The following KLHL32 variants were observed in gnomAD, a reference collection of about 807,000 sequenced individuals.
KLHL32 encodes the protein kelch-like protein 32.
A neutral mutation model predicts 64.8 loss-of-function variants in KLHL32; 35 were observed. That is an observed-to-expected ratio of 0.54 (90% CI 0.41 to 0.72). KLHL32 has a LOEUF of 0.72. KLHL32 is among the 30% of genes least tolerant of loss of function. The pLI, the probability that KLHL32 is intolerant of heterozygous loss-of-function variation, is 0.00. For synonymous variants in KLHL32, 259 were observed against 281.0 expected, an observed-to-expected ratio of 0.92 and a Z score of 0.78; for missense variants, 589 against 768.5, an observed-to-expected ratio of 0.77 and a Z score of 2.76.
chr6:97,135,303 T>TA (rs2128224122), intron 10 of KLHL32, among the ~76,000 whole-genome samples: 1 of 96,084 alleles, frequency 1.0e-5, no homozygotes, highest in African/African-American at 4.5e-5. Flanking sequence ...TTGTTAATTT[T>TA]TTTTTTTTTT....
At chr6:96,955,174 A>G (rs535465260) in intron 1 of KLHL32, among the ~76,000 whole-genome samples, 3 of 152,344 alleles carry the variant, frequency 2.0e-5, no homozygotes, top group African/African-American at 4.8e-5. Flanking sequence ...CACATTGGAT[A>G]TAAGAGTTTG....
At chr6:97,115,619 G>A (rs1797729594) in intron 7 of KLHL32, among the ~76,000 whole-genome samples, 1 of 152,152 alleles carries the variant, frequency 6.6e-6, no homozygotes, top group African/African-American at 2.4e-5. Flanking sequence ...AGGAGTCTGT[G>A]AGGCATATGC....
intron 6 of KLHL32, among the ~76,000 whole-genome samples, chr6:97,102,988 C>T (rs149765886): frequency 1.3e-5 from 2 of 151,734 alleles, no homozygotes; most frequent in Middle Eastern, 3.2e-3. Flanking sequence ...TCCCTCCTCC[C>T]CCACCCTCCA....
intron 1 of KLHL32, among the ~76,000 whole-genome samples, chr6:96,959,854 C>G (rs1479243059): frequency 6.6e-6 from 1 of 152,138 alleles, no homozygotes; most frequent in African/African-American, 2.4e-5. Context: ...AGAGGTATTA[C>G]CTTACATAGT....
In KLHL32 at chr6:97,107,198, C is replaced by T. The variant is rs544310627; in HGVS notation, c.628-6585C>T. Among the ~76,000 whole-genome samples the T allele has an allele frequency of 4.0e-4, 60 of 151,800 alleles. 1 individual carries two copies. In the South Asian group the frequency reaches 0.011, roughly 28 times the overall value. On this transcript the variant is annotated intron_variant, in intron 6 of 10. Transcript: ENST00000369261. ...GTCCCAGCTACTCGGGAGGCTGAGG[C>T]AGGAGAATGGCGTGAATCCAGGAGG...
chr6:96,957,880 G>A (rs763163865), intron 1 of KLHL32, among the ~76,000 whole-genome samples: 10 of 152,130 alleles, frequency 6.6e-5, no homozygotes, highest in East Asian at 1.9e-4. Context: ...AATGAATTTC[G>A]TAATACAAAC....
intron 10 of KLHL32, among the ~76,000 whole-genome samples, chr6:97,135,590 A>C (rs932327084): frequency 3.3e-5 from 5 of 152,112 alleles, no homozygotes; most frequent in Admixed American, 3.3e-4. Flanking sequence ...GAGCCACTGC[A>C]TCTGGACGAT....
intron 3 of KLHL32, among the ~76,000 whole-genome samples, chr6:96,980,015 T>A (rs1776128429): frequency 6.6e-6 from 1 of 152,134 alleles, no homozygotes; most frequent in Non-Finnish European, 1.5e-5. Flanking sequence ...TGATTTTGTA[T>A]CCTGAAACTT....
At chr6:96,946,540 A>G (rs1415009064) in intron 1 of KLHL32, among the ~76,000 whole-genome samples, 1 of 152,148 alleles carries the variant, frequency 6.6e-6, no homozygotes, top group African/African-American at 2.4e-5. Context: ...CTGTCACTTC[A>G]CTGCTATGAG....
At chr6:96,985,231 C>T (rs1483297382) in intron 3 of KLHL32, among the ~76,000 whole-genome samples, 1 of 152,128 alleles carries the variant, frequency 6.6e-6, no homozygotes, top group Non-Finnish European at 1.5e-5. Flanking sequence ...GAGTTTCTGC[C>T]AAGAGATCAG....
chr6:97,085,183 ACTT>A lies in KLHL32; in HGVS notation c.470_472del (p.Thr157_Leu158delinsMet), dbSNP rs1281827336. On this transcript the variant is annotated inframe_deletion, in exon 6 of 11. Transcript: ENST00000369261. ...CAGACTTGCTGACCTCTTTAACCTC[ACTT>A]TGTTGGAGAAGGCAGTGATCGATTT... 6.2e-7 allele frequency: 1 copy of A among 1,613,742 alleles called. No homozygotes were observed. The highest frequency in any genetic ancestry group is 8.5e-7 in the Non-Finnish European group (1 of 1,179,996).
intron 5 of KLHL32, among the ~76,000 whole-genome samples, chr6:97,069,099 G>A (rs751104739): frequency 1.3e-5 from 2 of 152,126 alleles, no homozygotes; most frequent in African/African-American, 2.4e-5. Context: ...CAGATTGAAG[G>A]CATTGTTCTG....
intron 8 of KLHL32, among the ~76,000 whole-genome samples, chr6:97,129,427 C>T (rs960878999): frequency 6.6e-5 from 10 of 152,034 alleles, no homozygotes; most frequent in African/African-American, 9.7e-5. Flanking sequence ...CTTATCTGTC[C>T]ATTACTTAGT....
At chr6:97,057,092 A>G (rs191842666) in intron 4 of KLHL32, among the ~76,000 whole-genome samples, 1 of 151,922 alleles carries the variant, frequency 6.6e-6, no homozygotes, top group Admixed American at 6.6e-5. Context: ...AACTATTTTT[A>G]GAAATTAATA....
At chr6:97,118,502 G>A (rs183759470) in intron 7 of KLHL32, among the ~76,000 whole-genome samples, 14 of 151,266 alleles carry the variant, frequency 9.3e-5, no homozygotes, top group East Asian at 7.8e-4. Flanking sequence ...GCCTGTAATC[G>A]CAGCTACTTG....
At chr6:97,040,005 A>T (rs1208787318) in intron 3 of KLHL32, among the ~76,000 whole-genome samples, 1 of 151,382 alleles carries the variant, frequency 6.6e-6, no homozygotes, top group Non-Finnish European at 1.5e-5. Flanking sequence ...AAATATGTAC[A>T]TTCCTTAGGC....
At position 97,114,301 on chromosome 6, in the gene KLHL32, A is replaced by C; in HGVS notation, c.1146A>C (p.Ala382=). Reference sequence around the variant, plus strand: ...GCAGTAATTCCTGGGCAGAGATAGCACCCATGAAAAACTGCCGGGAGCATT... The same window carrying C: ...GCAGTAATTCCTGGGCAGAGATAGCCCCCATGAAAAACTGCCGGGAGCATT... The part of the protein sequence containing the change: ...DPRSNSWAEI[A]PMKNCREHFV... The change falls in exon 7 of 11, where the codon GCA becomes GCC. Residue 382 remains alanine (A), a synonymous_variant. Coordinates refer to ENST00000369261, the MANE Select transcript of KLHL32 (RefSeq NM_052904.4). 6.2e-7 allele frequency: 1 copy of C among 1,614,114 alleles called. No homozygotes were observed. The highest frequency in any genetic ancestry group is 1.1e-5 in the South Asian group (1 of 91,080).
chr6:96,916,965 C>A, the KLHL32 span, among the ~76,000 whole-genome samples: 1 of 152,076 alleles, frequency 6.6e-6, no homozygotes, highest in Admixed American at 6.6e-5. Flanking sequence ...ACCTAATAAA[C>A]TACTGTAATA....
chr6:97,042,422 G>A (rs978682724), intron 4 of KLHL32, among the ~76,000 whole-genome samples: 10 of 152,174 alleles, frequency 6.6e-5, no homozygotes, highest in Admixed American at 1.3e-4. Context: ...CAATTTTACA[G>A]ATAGGGTGGT....
Sources: gnomAD v4.1 joint callset for allele counts (sites outside exome capture counted in the v4.1 genomes callset) on GRCh38, gnomAD v4.1.1 for gene constraint, MANE v1.5 for transcripts, NCBI Gene and HGNC (gene_info 2026-07-23, HGNC 2026-07-21) for gene names.